The following DSC3 variants were observed in gnomAD, a reference collection of about 807,000 sequenced individuals.
The protein encoded by DSC3 is desmocollin-3.
In DSC3, 97 loss-of-function variants were observed where a neutral mutation model predicts 89.5. That is an observed-to-expected ratio of 1.08 (90% CI 0.92 to 1.28). DSC3 has a LOEUF of 1.28. DSC3 is among the 50% of genes most tolerant of loss of function. The pLI is 0.00. For missense variants in DSC3, 1,199 were observed against 1,085.3 expected (o/e 1.10, Z -1.47); for synonymous variants, 436 against 384.1 (o/e 1.14, Z -1.58).
chr18:31,035,429 G>A (rs558508648), intron 1 of DSC3, among the ~76,000 whole-genome samples: 15 of 152,038 alleles, frequency 9.9e-5, no homozygotes, highest in African/African-American at 3.4e-4. Context: ...CTGGGACAAT[G>A]AAGTAATAAG....
intron 7 of DSC3, among the ~76,000 whole-genome samples, chr18:31,019,187 C>A (rs1022099604): frequency 6.6e-6 from 1 of 152,200 alleles, no homozygotes. Flanking sequence ...ACCTCCGCCT[C>A]CTGAGTTCAA....
intron 15 of DSC3, among the ~76,000 whole-genome samples, chr18:30,995,474 T>C (rs891902120): frequency 3.9e-5 from 6 of 152,192 alleles, no homozygotes; most frequent in Non-Finnish European, 2.9e-5. Flanking sequence ...CTACTGTTTG[T>C]CCTGCAATGG....
chr18:31,008,657 TATCCCTTGCTA>T, intron 9 of DSC3, 132 bp from the exon 10 acceptor site: 1 of 1,201,808 alleles, frequency 8.3e-7, no homozygotes, highest in South Asian at 1.3e-5. Flanking sequence ...TACTGACTTT[TATCCCTTGCTA>T]AACAGAGAGT....
chr18:31,018,654 T>C lies in DSC3; in HGVS notation c.1077+12A>G. ...GATAAGACAGAGGCAGATTTTGATA[T>C]TATATACTTACAGCATTTTGTCTGA... On this transcript the variant is annotated intron_variant, in intron 8 of 15. Coordinates refer to ENST00000360428, the MANE Select transcript of DSC3 (RefSeq NM_001941.5). 1 of 1,611,558 alleles carries C rather than the reference T, an allele frequency of 6.2e-7. No individual in the cohort carries two copies. Among genetic ancestry groups the C allele is most frequent in the Non-Finnish European group, 8.5e-7 (1 of 1,179,312 alleles).
intron 13 of DSC3, among the ~76,000 whole-genome samples, chr18:31,002,500 A>C (rs1984696511): frequency 6.6e-6 from 1 of 152,106 alleles, no homozygotes; most frequent in African/African-American, 2.4e-5. Flanking sequence ...CAGGAGTTCG[A>C]GACAAGACTG....
At chr18:31,015,404 C>T (rs745986223) in intron 9 of DSC3, among the ~76,000 whole-genome samples, 2 of 152,000 alleles carry the variant, frequency 1.3e-5, no homozygotes, top group Non-Finnish European at 2.9e-5. Context: ...TTTCTTAATA[C>T]CTCTATGGTC....
chr18:31,017,997 CTA>C (rs1985289660), intron 9 of DSC3, 72 bp downstream of exon 9: 1 of 1,298,484 alleles, frequency 7.7e-7, no homozygotes, highest in Admixed American at 1.8e-5. Context: ...TGGTCTGAAA[CTA>C]TTTAGTTGAT....
At chr18:31,032,060 G>C (rs1044017835) in intron 2 of DSC3, 132 bp downstream of exon 2, 30 of 690,672 alleles carry the variant, frequency 4.3e-5, no homozygotes, top group Non-Finnish European at 7.7e-5. Context: ...ATAACTTCTG[G>C]TTTACTCCCT....
At chr18:31,014,770 C>T (rs908154417) in intron 9 of DSC3, among the ~76,000 whole-genome samples, 3 of 151,992 alleles carry the variant, frequency 2.0e-5, no homozygotes, top group Non-Finnish European at 4.4e-5. Context: ...ATACAAACTG[C>T]CTTGTGGGCT....
At chr18:31,012,527 G>A (rs1365566695) in intron 9 of DSC3, among the ~76,000 whole-genome samples, 1 of 152,140 alleles carries the variant, frequency 6.6e-6, no homozygotes, top group Non-Finnish European at 1.5e-5. Flanking sequence ...TGACTGTGGG[G>A]TACAAATCAC....
chr18:31,003,331 T>A (rs537780954), intron 13 of DSC3, among the ~76,000 whole-genome samples: 4 of 152,316 alleles, frequency 2.6e-5, no homozygotes, highest in African/African-American at 9.6e-5. Context: ...TGTTTGTTTG[T>A]TTGTCTTTCC....
At chr18:31,004,022 G>T in intron 13 of DSC3, 120 bp downstream of exon 13, 1 of 751,964 alleles carries the variant, frequency 1.3e-6, no homozygotes, top group Non-Finnish European at 2.2e-6. Context: ...TAATACAAAA[G>T]GAACTTGGAA....
chr18:31,001,504 A>G, intron 14 of DSC3, 114 bp downstream of exon 14: 2 of 1,251,960 alleles, frequency 1.6e-6, no homozygotes, highest in Non-Finnish European at 2.2e-6. Context: ...ATCTATGCCT[A>G]TGAAATCTGA....
rs780289640 is a variant in DSC3 at position 30,994,278 on chromosome 18, G to A, written c.2588C>T (p.Ser863Phe). ...NYEGRGSPAG[S>F]VGCCSEKQEE... ...CTGCTTTTCACTGCAGCAGCCCACA[G>A]AACCAGCTGGAGATCCTCTTCCCTC... The change falls in exon 16 of 16, where the codon TCT (serine) becomes TTT (phenylalanine). Residue 863 changes from serine to phenylalanine, a missense_variant. Coordinates refer to ENST00000360428, the MANE Select transcript of DSC3 (RefSeq NM_001941.5). The A allele has an allele frequency of 1.2e-6, 2 of 1,614,094 alleles. No individual in the cohort carries two copies. The highest frequency in any genetic ancestry group is 2.2e-5 in the East Asian group (1 of 44,860).
intron 1 of DSC3, among the ~76,000 whole-genome samples, chr18:31,041,130 G>C (rs1986116378): frequency 6.6e-6 from 1 of 152,128 alleles, no homozygotes; most frequent in African/African-American, 2.4e-5. Flanking sequence ...GAAAGCTCCT[G>C]GTCTTCCATG....
In DSC3 at chr18:31,030,991, C is replaced by T; in HGVS notation, c.336G>A (p.Leu112=). 6.2e-7 allele frequency: 1 copy of T among 1,613,740 alleles called. No homozygotes were observed. Among genetic ancestry groups the T allele is most frequent in the Non-Finnish European group, 8.5e-7 (1 of 1,179,712 alleles). ...TAAATACCTTCTTCTGATGTTCTAGCAGCACAGTAACCTCTTTCTGTGTCT... is the reference window on the plus strand; with the variant it reads ...TAAATACCTTCTTCTGATGTTCTAGTAGCACAGTAACCTCTTTCTGTGTCT... ...RKQTQKEVTV[L]LEHQKKVSKT... is the part of the protein sequence containing the mutation. Residue 112 remains leucine, a synonymous_variant, in exon 3 of 16, where the codon CTG becomes CTA. Coordinates refer to ENST00000360428, the MANE Select transcript of DSC3 (RefSeq NM_001941.5).
At chr18:31,028,757 C>A (rs1985682516) in intron 4 of DSC3, among the ~76,000 whole-genome samples, 1 of 152,110 alleles carries the variant, frequency 6.6e-6, no homozygotes, top group Non-Finnish European at 1.5e-5. Context: ...AATGAGAAAA[C>A]TAAACCTGAT....
At position 31,036,159 on chromosome 18, in the gene DSC3, A is replaced by G. The variant is rs1454851059; in HGVS notation, c.70-3883T>C. The stretch of plus-strand genomic sequence containing the variant: ...ATTAGCTATTGCCAAGTTGCTCTAC[A>G]AAGTACTAATATCAATTTCTATTAA... On this transcript the variant is annotated intron_variant, in intron 1 of 15. Coordinates refer to ENST00000360428, the MANE Select transcript of DSC3 (RefSeq NM_001941.5). Among the ~76,000 whole-genome samples the G allele has an allele frequency of 2.6e-5, 4 of 152,180 alleles. No individual in the cohort carries two copies. In the East Asian group the frequency reaches 5.8e-4, roughly 22 times the overall value.
At chr18:31,013,862 C>T (rs1055403099) in intron 9 of DSC3, among the ~76,000 whole-genome samples, 1 of 152,100 alleles carries the variant, frequency 6.6e-6, no homozygotes, top group Non-Finnish European at 1.5e-5. Context: ...AAAAAAATAG[C>T]CATGTCCTTG....
Sources: allele counts gnomAD v4.1 joint callset (sites outside exome capture counted in the v4.1 genomes callset), GRCh38; gene constraint gnomAD v4.1.1; transcripts MANE v1.5; gene names NCBI Gene and HGNC (gene_info 2026-07-23, HGNC 2026-07-21).